USP40: variants seen among roughly 807,000 people sequenced by gnomAD.
USP40 encodes the protein ubiquitin specific peptidase 40, also known as ubiquitin carboxyl-terminal hydrolase 40.
USP40 carries 143 observed loss-of-function variants against 166.2 expected under a neutral mutation model. The observed-to-expected ratio is 0.86, with a 90% CI of 0.75 to 0.99. USP40 has a LOEUF of 0.99. Among genes scored for constraint, USP40 ranks in the 50% least tolerant of loss-of-function variants. The pLI, the probability that USP40 is intolerant of heterozygous loss-of-function variation, is 0.00. For missense variants in USP40, 1,444 were observed against 1,479.7 expected, an observed-to-expected ratio of 0.98 and a Z score of 0.40; for synonymous variants, 498 against 524.0, an observed-to-expected ratio of 0.95 and a Z score of 0.68.
chr2:233,490,230 C>A (rs1467141991), intron 26 of USP40, among the ~76,000 whole-genome samples: 1 of 136,336 alleles, frequency 7.3e-6, no homozygotes, highest in Non-Finnish European at 1.5e-5. Context: ...GTGGCGCAAT[C>A]TCAGCTCATT....
intron 13 of USP40, 104 bp from the exon 14 acceptor site, chr2:233,525,666 C>T: frequency 1.3e-6 from 1 of 766,406 alleles, no homozygotes; most frequent in Non-Finnish European, 2.1e-6. Flanking sequence ...ACACAGAGAG[C>T]AAGCAAATGA....
chr2:233,482,192 T>A (rs2064652541), intron 30 of USP40, among the ~76,000 whole-genome samples: 1 of 152,194 alleles, frequency 6.6e-6, no homozygotes, highest in African/African-American at 2.4e-5. Flanking sequence ...TATTATAATT[T>A]CTGTTCCAGT....
At chr2:233,560,807 T>G (rs78767684) in intron 3 of USP40, 4,960 of 472,124 alleles carry the variant, frequency 0.011, 37 homozygotes, top group Non-Finnish European at 0.015. Context: ...CTATTTTTTT[T>G]TGTGTGGGGT....
chr2:233,497,779 G>A (rs2065832284), intron 23 of USP40, among the ~76,000 whole-genome samples: 1 of 152,180 alleles, frequency 6.6e-6, no homozygotes, highest in African/African-American at 2.4e-5. Flanking sequence ...TCAAACTCCT[G>A]CCCAGGCCCC....
At chr2:233,513,157 G>A (rs2066948004) in intron 18 of USP40, among the ~76,000 whole-genome samples, 1 of 151,968 alleles carries the variant, frequency 6.6e-6, no homozygotes, top group Admixed American at 6.6e-5. Flanking sequence ...ATAATATAGA[G>A]TGACATTTTT....
At chr2:233,501,076 G>A (rs1442538016) in intron 21 of USP40, among the ~76,000 whole-genome samples, 2 of 152,080 alleles carry the variant, frequency 1.3e-5, no homozygotes, top group Non-Finnish European at 2.9e-5. Context: ...AGAAAATGAT[G>A]ATAAAAACAC....
intron 21 of USP40, 66 bp from the exon 22 acceptor site, chr2:233,499,981 C>T: frequency 1.4e-6 from 2 of 1,383,996 alleles, no homozygotes; most frequent in Non-Finnish European, 2.0e-6. Context: ...GGACAAACAC[C>T]CTTTTTGGAC....
chr2:233,561,545 T>C (rs1330862257), intron 3 of USP40, among the ~76,000 whole-genome samples: 4 of 148,506 alleles, frequency 2.7e-5, no homozygotes, highest in Non-Finnish European at 4.5e-5. Flanking sequence ...ATCCCTTCCT[T>C]ACACCTTATA....
rs1472885229 is a variant in USP40 at position 233,480,246 on chromosome 2, G to C, written c.3599+957C>G. On this transcript the variant is annotated intron_variant, in intron 31 of 31. Transcript: ENST00000678225. The surrounding 1 kb of genome is among the most constrained non-coding windows in gnomAD (Gnocchi z 4.5). Reference sequence around the variant, plus strand: ...GCAGAAGAAGGGGATTAGGGTGAGCGGGGCCAGATCAGGCTCCTACAGTCA... The same window carrying C: ...GCAGAAGAAGGGGATTAGGGTGAGCCGGGCCAGATCAGGCTCCTACAGTCA... 6.6e-6 allele frequency among the ~76,000 whole-genome samples: 1 copy of C among 152,178 alleles called. No individual in the cohort carries two copies. The highest frequency in any genetic ancestry group is 1.5e-5 in the Non-Finnish European group (1 of 68,036).
In USP40 at chr2:233,493,321, C is replaced by G; in HGVS notation, c.2917+104G>C. ...ATTAATAGGTCTTGATTTTCAAGAT[C>G]TTACGTTTTAAAAATAAATATATCA... On this transcript the variant is annotated intron_variant, in intron 25 of 31. Coordinates refer to ENST00000678225, the MANE Select transcript of USP40 (RefSeq NM_001365479.2). The surrounding 1 kb of genome is among the most constrained non-coding windows in gnomAD (Gnocchi z 4.7). 6.7e-7 allele frequency: 1 copy of G among 1,489,056 alleles called. No homozygotes were observed. The highest frequency in any genetic ancestry group is 9.2e-7 in the Non-Finnish European group (1 of 1,088,192). 92.2% of individuals were successfully genotyped at this position (1,489,056 alleles called of 1,614,324 possible). A position where few individuals can be genotyped will look rare whatever the true frequency, so the allele number is the denominator to read the frequency against.
chr2:233,477,365 C>T lies in USP40; in HGVS notation c.*27G>A, dbSNP rs779102794. 1.9e-5 allele frequency: 31 copies of T among 1,605,182 alleles called. No homozygotes were observed. Among genetic ancestry groups the T allele is most frequent in the East Asian group, 1.8e-4 (8 of 44,822 alleles). Reference sequence around the variant, plus strand: ...TTGTGGCATCAGCCGGAGAGTTCATCGGGAGTAGAGCCGTGCAGCGGCGCG... The same window carrying T: ...TTGTGGCATCAGCCGGAGAGTTCATTGGGAGTAGAGCCGTGCAGCGGCGCG... On this transcript the variant is annotated 3_prime_UTR_variant, in exon 32 of 32. Coordinates refer to ENST00000678225, the MANE Select transcript of USP40 (RefSeq NM_001365479.2).
intron 16 of USP40, 105 bp downstream of exon 16, chr2:233,523,061 TAAAG>T (rs1465479996): frequency 1.7e-6 from 2 of 1,190,096 alleles, no homozygotes; most frequent in East Asian, 2.4e-5. Context: ...TGTCTAGAAA[TAAAG>T]AAACATTCAA....
At chr2:233,554,671 T>C in intron 5 of USP40, 145 bp from the exon 6 acceptor site, 1 of 568,788 alleles carries the variant, frequency 1.8e-6, no homozygotes, top group South Asian at 5.9e-5. Context: ...TTAGATGTTG[T>C]GAAGTTCATA....
At chr2:233,478,251 G>T (rs1418020476) in intron 31 of USP40, among the ~76,000 whole-genome samples, 1 of 152,228 alleles carries the variant, frequency 6.6e-6, no homozygotes, top group East Asian at 1.9e-4. Context: ...GCAGCAGGAG[G>T]TACTGTCCTG....
rs180920717 is a variant in USP40 at position 233,532,779 on chromosome 2, A to G, written c.1471+700T>C. Among the ~76,000 whole-genome samples the G allele has an allele frequency of 9.1e-4, 139 of 152,230 alleles. 1 individual carries two copies. The highest frequency in any genetic ancestry group is 1.9e-3 in the Non-Finnish European group (127 of 68,018). ...CAATACAGCGAGACCCTGTCTCTAA[A>G]AAAATGAAAAAATTAGCCAGGTGTG... is the stretch of plus-strand genomic sequence containing the variant. On this transcript the variant is annotated intron_variant, in intron 11 of 31. Transcript: ENST00000678225.
chr2:233,558,549 C>T (rs892856210), intron 4 of USP40, among the ~76,000 whole-genome samples: 2 of 152,094 alleles, frequency 1.3e-5, no homozygotes, highest in African/African-American at 4.8e-5. Flanking sequence ...ATGAAATGTC[C>T]AGAATAGGCA....
At position 233,527,424 on chromosome 2, in the gene USP40, G is replaced by T; in HGVS notation, c.1708C>A (p.Arg570=). 6.2e-7 allele frequency: 1 copy of T among 1,612,616 alleles called. No homozygotes were observed. Among genetic ancestry groups the T allele is most frequent in the Non-Finnish European group, 8.5e-7 (1 of 1,179,632 alleles). ...GATATTACCTGAAATATTGACTGCC[G>T]GAGATCTCCTAAAGTTTTTCTTTTA... ...FDKRKTLGDL[R]QSIFQLLEFW... is the part of the protein sequence containing the mutation. Residue 570 remains arginine, a synonymous_variant, in exon 13 of 32, where the codon CGG becomes AGG. Coordinates refer to ENST00000678225, the MANE Select transcript of USP40 (RefSeq NM_001365479.2).
intron 8 of USP40, among the ~76,000 whole-genome samples, chr2:233,544,258 G>A (rs996896250): frequency 6.6e-6 from 1 of 152,128 alleles, no homozygotes; most frequent in Non-Finnish European, 1.5e-5. Flanking sequence ...ATAGGGCAAG[G>A]TCCAGAAGGG....
chr2:233,494,945 TATATATATA>T (rs1158202492), intron 24 of USP40, among the ~76,000 whole-genome samples: 394 of 34,174 alleles, frequency 0.012, 17 homozygotes, highest in African/African-American at 0.063. Context: ...TATATATATA[TATATATATA>T]TTTATATATA....
Sources: allele counts gnomAD v4.1 joint callset (sites outside exome capture counted in the v4.1 genomes callset), GRCh38; gene constraint gnomAD v4.1.1; non-coding constraint Gnocchi (gnomAD v3.1); transcripts MANE v1.5; gene names NCBI Gene and HGNC (gene_info 2026-07-23, HGNC 2026-07-21).